IMMP2L: variants seen among roughly 807,000 people sequenced by gnomAD.
IMMP2L encodes the protein inner mitochondrial membrane peptidase subunit 2.
A neutral mutation model predicts 19.3 loss-of-function variants in IMMP2L; 18 were observed. That is an observed-to-expected ratio of 0.93 (90% CI 0.64 to 1.38). The LOEUF is 1.38. IMMP2L is among the 40% of genes most tolerant of loss of function. IMMP2L has a pLI of 0.00. For missense variants in IMMP2L, 233 were observed against 218.2 expected, an observed-to-expected ratio of 1.07 and a Z score of -0.43; for synonymous variants, 76 against 73.0, an observed-to-expected ratio of 1.04 and a Z score of -0.21.
intron 3 of IMMP2L, among the ~76,000 whole-genome samples, chr7:111,002,068 C>T (rs1210269184): frequency 6.6e-6 from 1 of 151,958 alleles, no homozygotes; most frequent in Non-Finnish European, 1.5e-5. Flanking sequence ...TAACTATAGC[C>T]TTTTTCCTCA....
At chr7:111,408,933 T>C (rs1432042515) in intron 3 of IMMP2L, among the ~76,000 whole-genome samples, 2 of 151,684 alleles carry the variant, frequency 1.3e-5, no homozygotes, top group Non-Finnish European at 2.9e-5. Context: ...AGACTAGCAC[T>C]GAAAAACCTA....
At chr7:111,102,618 C>T (rs1170210088) in intron 3 of IMMP2L, among the ~76,000 whole-genome samples, 2 of 151,456 alleles carry the variant, frequency 1.3e-5, no homozygotes, top group Admixed American at 1.3e-4. Context: ...AGAAAAATTA[C>T]TAAATGGAAG....
intron 5 of IMMP2L, among the ~76,000 whole-genome samples, chr7:110,723,620 G>A (rs1184730267): frequency 1.3e-5 from 2 of 152,118 alleles, no homozygotes; most frequent in African/African-American, 2.4e-5. Context: ...GGCCATATGT[G>A]TGGTAAGATA....
chr7:111,406,886 G>C (rs1409018444), intron 3 of IMMP2L, among the ~76,000 whole-genome samples: 3 of 152,028 alleles, frequency 2.0e-5, no homozygotes. Flanking sequence ...AGAGAAAGAA[G>C]CTGAATTGCA....
chr7:110,979,168 A>C (rs565099432), intron 3 of IMMP2L, among the ~76,000 whole-genome samples: 1 of 152,272 alleles, frequency 6.6e-6, no homozygotes, highest in Admixed American at 6.5e-5. Context: ...GTATATGTAC[A>C]ACATGAATAT....
intron 5 of IMMP2L, among the ~76,000 whole-genome samples, chr7:110,865,776 A>G (rs964118071): frequency 6.6e-6 from 1 of 152,066 alleles, no homozygotes; most frequent in Middle Eastern, 3.4e-3. Context: ...CATTTTTAGT[A>G]TTTAACCTGA....
intron 5 of IMMP2L, among the ~76,000 whole-genome samples, chr7:110,691,986 A>G (rs992794398): frequency 6.6e-6 from 1 of 152,170 alleles, no homozygotes; most frequent in Non-Finnish European, 1.5e-5. Context: ...AAGTCATTAT[A>G]TCAAAAAGAC....
rs151233030 is a variant in IMMP2L at position 111,560,266 on chromosome 7, C to T, written c.-3+1585G>A. ...TTTGACTTTTTATTACTCTTATAAC[C>T]AGAAAAAGACAAAGAACTATTCTAG... On this transcript the variant is annotated intron_variant, in intron 1 of 5. Transcript: ENST00000405709. 5.2e-3 allele frequency among the ~76,000 whole-genome samples: 794 copies of T among 152,076 alleles called. 7 individuals carry two copies. The highest frequency in any genetic ancestry group is 5.1e-3 in the Non-Finnish European group (349 of 67,972).
At chr7:111,531,170 T>C (rs1052787822) in intron 1 of IMMP2L, among the ~76,000 whole-genome samples, 1 of 152,020 alleles carries the variant, frequency 6.6e-6, no homozygotes. Context: ...TTAGCCAGGA[T>C]GGTCTCAATT....
At chr7:111,152,122 TCGG>T (rs1804144105) in intron 3 of IMMP2L, among the ~76,000 whole-genome samples, 1 of 152,030 alleles carries the variant, frequency 6.6e-6, no homozygotes, top group African/African-American at 2.4e-5. Context: ...AGGGAGAAAA[TCGG>T]TGAGGTTATT....
chr7:111,155,532 G>T lies in IMMP2L; in HGVS notation c.240-191967C>A, dbSNP rs1470359582. 3.3e-5 allele frequency among the ~76,000 whole-genome samples: 5 copies of T among 151,994 alleles called. 1 individual carries two copies. Among genetic ancestry groups the T allele is most frequent in the African/African-American group, 9.7e-5 (4 of 41,354 alleles). On this transcript the variant is annotated intron_variant, in intron 3 of 5. Coordinates refer to ENST00000405709, the MANE Select transcript of IMMP2L (RefSeq NM_032549.4). ...TCTCTAAGCCATTTGAAATGCCAAT[G>T]TGGTCAATAAAAATTTTTTCACTAG...
intron 5 of IMMP2L, among the ~76,000 whole-genome samples, chr7:110,726,069 G>T: frequency 6.6e-6 from 1 of 152,142 alleles, no homozygotes; most frequent in East Asian, 1.9e-4. Flanking sequence ...TGTGGAGCTG[G>T]AATTTGATCC....
At chr7:110,691,128 C>G (rs1268050059) in intron 5 of IMMP2L, among the ~76,000 whole-genome samples, 1 of 152,014 alleles carries the variant, frequency 6.6e-6, no homozygotes, top group Non-Finnish European at 1.5e-5. Flanking sequence ...GATACATAGA[C>G]CAATGGATCA....
intron 3 of IMMP2L, among the ~76,000 whole-genome samples, chr7:111,295,721 T>C (rs1477283045): frequency 6.6e-6 from 1 of 151,806 alleles, no homozygotes; most frequent in Non-Finnish European, 1.5e-5. Flanking sequence ...GTAAAATTTA[T>C]ATATATATAA....
chr7:111,479,660 A>T (rs1368670937), intron 3 of IMMP2L, among the ~76,000 whole-genome samples: 3 of 152,084 alleles, frequency 2.0e-5, no homozygotes, highest in Non-Finnish European at 4.4e-5. Context: ...ATAATATTTA[A>T]CGTGTATTTG....
At chr7:111,454,032 C>T (rs1839462693) in intron 3 of IMMP2L, among the ~76,000 whole-genome samples, 1 of 152,168 alleles carries the variant, frequency 6.6e-6, no homozygotes, top group Non-Finnish European at 1.5e-5. Flanking sequence ...GTAAGAACTT[C>T]ATGCATTCAT....
intron 5 of IMMP2L, among the ~76,000 whole-genome samples, chr7:110,801,570 G>A (rs559318850): frequency 6.6e-6 from 1 of 152,146 alleles, no homozygotes; most frequent in East Asian, 1.9e-4. Flanking sequence ...TCCTATTTAT[G>A]CTGTTACAAT....
At chr7:111,447,548 C>T (rs1176151943) in intron 3 of IMMP2L, among the ~76,000 whole-genome samples, 2 of 146,962 alleles carry the variant, frequency 1.4e-5, no homozygotes, top group African/African-American at 5.1e-5. Context: ...AAAAGAGCTC[C>T]TGAAGGAAGC....
chr7:111,528,108 CAATA>C (rs1397308725), intron 1 of IMMP2L, among the ~76,000 whole-genome samples: 1 of 152,026 alleles, frequency 6.6e-6, no homozygotes, highest in Admixed American at 6.6e-5. Context: ...TTGTCATATC[CAATA>C]ATTTTCTTAA....
Sources: gnomAD v4.1 joint callset for allele counts (sites outside exome capture counted in the v4.1 genomes callset) on GRCh38, gnomAD v4.1.1 for gene constraint, MANE v1.5 for transcripts, NCBI Gene and HGNC (gene_info 2026-07-23, HGNC 2026-07-21) for gene names.